Variants in FHIT observed in about 807,000 individuals in gnomAD.
FHIT encodes fragile histidine triad diadenosine triphosphatase.
Under a neutral mutation model 17.9 loss-of-function variants are expected in FHIT, and 19 were observed. The ratio of observed to expected loss-of-function variants is 1.06; its 90% CI spans 0.74 to 1.56. The LOEUF is 1.56. FHIT is among the 40% of genes most tolerant of loss of function. The pLI, the probability that FHIT is intolerant of heterozygous loss-of-function variation, is 0.00. For missense variants in FHIT, 248 were observed against 189.2 expected, an observed-to-expected ratio of 1.31 and a Z score of -1.82; for synonymous variants, 81 against 69.7, an observed-to-expected ratio of 1.16 and a Z score of -0.81.
intron 3 of FHIT, among the ~76,000 whole-genome samples, chr3:60,928,958 A>T (rs1707802118): frequency 6.6e-6 from 1 of 152,210 alleles, no homozygotes; most frequent in Non-Finnish European, 1.5e-5. Context: ...TCGATGCAGA[A>T]ATCCTCAATA....
At chr3:60,099,786 T>C (rs747698154) in intron 5 of FHIT, among the ~76,000 whole-genome samples, 2 of 152,218 alleles carry the variant, frequency 1.3e-5, no homozygotes, top group Non-Finnish European at 2.9e-5. Flanking sequence ...GATAAGTTTA[T>C]TGGGACACAG....
intron 3 of FHIT, among the ~76,000 whole-genome samples, chr3:61,014,808 A>AAAAAAT (rs1156410696): frequency 0.054 from 1,442 of 26,834 alleles, 221 homozygotes; most frequent in Admixed American, 0.1. Flanking sequence ...AAAAAAAAAA[A>AAAAAAT]TATATATATA....
At chr3:60,395,272 C>G (rs999812174) in intron 5 of FHIT, among the ~76,000 whole-genome samples, 19 of 152,132 alleles carry the variant, frequency 1.2e-4, no homozygotes, top group African/African-American at 4.6e-4. Context: ...ACTGCCTGGA[C>G]ACTTTCTATG....
intron 4 of FHIT, among the ~76,000 whole-genome samples, chr3:60,765,820 A>G (rs1699832664): frequency 6.6e-6 from 1 of 152,212 alleles, no homozygotes; most frequent in South Asian, 2.1e-4. Context: ...GACCAAATGC[A>G]GGTGGAAGAA....
At chr3:59,856,696 T>C (rs1343474209) in intron 8 of FHIT, among the ~76,000 whole-genome samples, 1 of 152,190 alleles carries the variant, frequency 6.6e-6, no homozygotes, top group African/African-American at 2.4e-5. Context: ...TGTTATCTAA[T>C]TTCTCTAAGA....
At chr3:59,801,977 C>T (rs1006790140) in intron 8 of FHIT, among the ~76,000 whole-genome samples, 2 of 152,226 alleles carry the variant, frequency 1.3e-5, no homozygotes, top group African/African-American at 4.8e-5. Flanking sequence ...CCAGACTACA[C>T]CCATTCTTCC....
At chr3:60,507,544 G>T (rs1276635353) in intron 5 of FHIT, among the ~76,000 whole-genome samples, 2 of 152,082 alleles carry the variant, frequency 1.3e-5, no homozygotes, top group Non-Finnish European at 2.9e-5. Flanking sequence ...TTAAGCTCAG[G>T]GGTACGAGGG....
At chr3:60,521,439 G>A (rs763893255) in intron 5 of FHIT, among the ~76,000 whole-genome samples, 7 of 152,022 alleles carry the variant, frequency 4.6e-5, no homozygotes, top group Non-Finnish European at 8.8e-5. Flanking sequence ...AGTAGAGACG[G>A]GGTTTCACCG....
At chr3:60,827,347 C>A (rs55827351) in intron 3 of FHIT, among the ~76,000 whole-genome samples, 7,474 of 152,316 alleles carry the variant, frequency 0.049, 230 homozygotes, top group South Asian at 0.11. Flanking sequence ...AGAATGCTGG[C>A]TTTGCTCTCA....
intron 8 of FHIT, among the ~76,000 whole-genome samples, chr3:59,902,074 A>G (rs1704354225): frequency 6.6e-6 from 1 of 152,236 alleles, no homozygotes; most frequent in African/African-American, 2.4e-5. Flanking sequence ...TCCAAAATAC[A>G]TAAGAAACCC....
intron 3 of FHIT, among the ~76,000 whole-genome samples, chr3:60,892,989 T>C (rs1389872198): frequency 6.6e-6 from 1 of 152,188 alleles, no homozygotes; most frequent in Non-Finnish European, 1.5e-5. Flanking sequence ...TGGGTACATA[T>C]GACTTTTGAT....
chr3:59,846,537 T>C (rs1276652320), intron 8 of FHIT, among the ~76,000 whole-genome samples: 1 of 152,176 alleles, frequency 6.6e-6, no homozygotes, highest in Non-Finnish European at 1.5e-5. Flanking sequence ...TATAATAATA[T>C]TGATTTTTAG....
At chr3:61,197,469 TA>T (rs372638452) in intron 2 of FHIT, among the ~76,000 whole-genome samples, 2,920 of 151,706 alleles carry the variant, frequency 0.019, 90 homozygotes, top group African/African-American at 0.066. Context: ...ATATACCTGT[TA>T]AAAAAAAATT....
chr3:60,485,799 G>A (rs1270444340), intron 5 of FHIT, among the ~76,000 whole-genome samples: 1 of 151,962 alleles, frequency 6.6e-6, no homozygotes, highest in Non-Finnish European at 1.5e-5. Flanking sequence ...ATAAAGAAAT[G>A]GACAACTCTC....
chr3:60,225,560 C>T (rs116265723), intron 5 of FHIT, among the ~76,000 whole-genome samples: 23 of 152,274 alleles, frequency 1.5e-4, no homozygotes, highest in African/African-American at 5.5e-4. Flanking sequence ...AGATACAAGA[C>T]AGTCTGCACG....
chr3:60,529,392 CA>C (rs2035688859), intron 5 of FHIT, among the ~76,000 whole-genome samples: 1 of 152,094 alleles, frequency 6.6e-6, no homozygotes, highest in Non-Finnish European at 1.5e-5. Context: ...TAGATTTTAA[CA>C]GTTTTGATAT....
chr3:60,347,602 C>T (rs1710846586), intron 5 of FHIT, among the ~76,000 whole-genome samples: 1 of 145,394 alleles, frequency 6.9e-6, no homozygotes, highest in African/African-American at 2.6e-5. Context: ...ATTCATTCTA[C>T]AGCCCCGAGA....
intron 8 of FHIT, among the ~76,000 whole-genome samples, chr3:59,844,533 G>C (rs1268911115): frequency 6.6e-5 from 10 of 151,952 alleles, no homozygotes; most frequent in Admixed American, 6.6e-4. Context: ...AAACCACAAA[G>C]GGCTTGAAAT....
chr3:60,021,306 G>A (rs1236320072), intron 5 of FHIT, among the ~76,000 whole-genome samples: 3 of 152,118 alleles, frequency 2.0e-5, no homozygotes, highest in African/African-American at 4.8e-5. Context: ...TCAAAACTCC[G>A]GTACCGATCT....
Sources: gnomAD v4.1 joint callset for allele counts (sites outside exome capture counted in the v4.1 genomes callset) on GRCh38, gnomAD v4.1.1 for gene constraint, MANE v1.5 for transcripts, NCBI Gene and HGNC (gene_info 2026-07-23, HGNC 2026-07-21) for gene names.